ST3GAL4: variants seen among roughly 807,000 people sequenced by gnomAD.
The protein encoded by ST3GAL4 is CMP-N-acetylneuraminate-beta-galactosamide-alpha-2,3-sialyltransferase 4.
ST3GAL4 carries 24 observed loss-of-function variants against 42.6 expected under a neutral mutation model. The ratio of observed to expected loss-of-function variants is 0.56; its 90% CI spans 0.41 to 0.79. The LOEUF (loss-of-function observed/expected upper bound fraction) is 0.79, where lower values mean the gene tolerates loss of function less well. Ranked by LOEUF, ST3GAL4 falls within the 30% of genes least tolerant of loss-of-function variation. ST3GAL4 has a pLI of 0.00. For missense variants in ST3GAL4, 311 were observed against 430.8 expected, an observed-to-expected ratio of 0.72 and a Z score of 2.46; for synonymous variants, 135 against 163.2, an observed-to-expected ratio of 0.83 and a Z score of 1.32.
At chr11:126,356,461 C>T (rs915058241) in intron 1 of ST3GAL4, among the ~76,000 whole-genome samples, 4 of 152,168 alleles carry the variant, frequency 2.6e-5, no homozygotes, top group Admixed American at 6.5e-5. Context: ...GTGGGTGTTT[C>T]CTCGGGGACC....
Position 126,383,681 on chromosome 11 carries a change from C to A in ST3GAL4, c.-60-22415C>A, listed in dbSNP as rs1306532381. Among the ~76,000 whole-genome samples the A allele has an allele frequency of 6.6e-6, 1 of 152,050 alleles. No homozygotes were observed. The highest frequency in any genetic ancestry group is 1.5e-5 in the Non-Finnish European group (1 of 68,008). On this transcript the variant is annotated intron_variant, in intron 1 of 10. Coordinates refer to ENST00000444328, the MANE Select transcript of ST3GAL4 (RefSeq NM_001254757.2). This position sits in a 1 kb window ranked among gnomAD's most constrained non-coding sequence, Gnocchi z 4.5. ...GTGTAGGTTACTGACATGGGAGGGC[C>A]GGTGTGAGCTGCAGGGACCGGAGAG...
chr11:126,396,443 G>A lies in ST3GAL4; in HGVS notation c.-60-9653G>A, dbSNP rs1276573492. On this transcript the variant is annotated intron_variant, in intron 1 of 10. Coordinates refer to ENST00000444328, the MANE Select transcript of ST3GAL4 (RefSeq NM_001254757.2). The surrounding 1 kb of genome is among the most constrained non-coding windows in gnomAD (Gnocchi z 5.8). ...ATTCATGGAAGTCTGGTGTCCAGCT[G>A]GCAGGCATTAGTGGTCCCATGAATA... Among the ~76,000 whole-genome samples the A allele has an allele frequency of 6.6e-6, 1 of 152,032 alleles. No homozygotes were observed.
At chr11:126,413,335 C>G (rs1954610923) in intron 9 of ST3GAL4, 170 bp from the exon 10 acceptor site, 2 of 620,524 alleles carry the variant, frequency 3.2e-6, no homozygotes, top group African/African-American at 3.7e-5. Context: ...TTCAGTTCCT[C>G]AGCTGCACTG....
chr11:126,385,068 G>A (rs1953172368), intron 1 of ST3GAL4, among the ~76,000 whole-genome samples: 1 of 152,142 alleles, frequency 6.6e-6, no homozygotes, highest in Non-Finnish European at 1.5e-5. Context: ...GGACACCTCT[G>A]AGGACTTGCT....
rs1201561058 is a variant in ST3GAL4, at chr11:126,410,017, C to T, written c.771+606C>T. 6.6e-6 allele frequency among the ~76,000 whole-genome samples: 1 copy of T among 152,146 alleles called. No individual in the cohort carries two copies. Among genetic ancestry groups the T allele is most frequent in the East Asian group, 1.9e-4 (1 of 5,186 alleles). ...TTCCAGGCTCAGGTGATCCTTCTGC[C>T]TCAGCCTCCTGAGTAGCTGTGAGAC... On this transcript the variant is annotated intron_variant, in intron 9 of 10. Transcript: ENST00000444328. The surrounding 1 kb of genome is among the most constrained non-coding windows in gnomAD (Gnocchi z 5.3).
chr11:126,366,934 A>G lies in ST3GAL4; in HGVS notation c.-61+11092A>G, dbSNP rs755679116. ...GAATTTGTGGCACCTGCAGGGCTGA[A>G]CGTTGCCTTTGCTGTCCCTGCTTGG... On this transcript the variant is annotated intron_variant, in intron 1 of 10. Coordinates refer to ENST00000444328, the MANE Select transcript of ST3GAL4 (RefSeq NM_001254757.2). The surrounding 1 kb of genome is among the most constrained non-coding windows in gnomAD (Gnocchi z 4.2). Among the ~76,000 whole-genome samples the G allele has an allele frequency of 1.6e-4, 24 of 152,244 alleles. No homozygotes were observed. Among genetic ancestry groups the G allele is most frequent in the Middle Eastern group, 3.4e-3 (1 of 294 alleles).
chr11:126,407,180 TG>T, intron 4 of ST3GAL4, 71 bp from the exon 5 acceptor site: 1 of 1,555,000 alleles, frequency 6.4e-7, no homozygotes, highest in Non-Finnish European at 8.9e-7. Flanking sequence ...ATATTAGTCA[TG>T]GGCCTAACCC....
intron 1 of ST3GAL4, among the ~76,000 whole-genome samples, chr11:126,387,865 A>G (rs1303968326): frequency 3.9e-5 from 6 of 152,118 alleles, no homozygotes; most frequent in African/African-American, 7.2e-5. Flanking sequence ...GTGAAAGTGC[A>G]TTTGGAGATA....
chr11:126,392,323 A>G lies in ST3GAL4; in HGVS notation c.-60-13773A>G. 1 of 985,908 alleles carries G rather than the reference A, an allele frequency of 1.0e-6. No homozygotes were observed. The allele number at this position is 985,908 out of a possible 1,614,324, so 61.1% of individuals were successfully genotyped here. A position where few individuals can be genotyped will look rare whatever the true frequency, so the allele number is the denominator to read the frequency against. ...TGCACAGAGTTTACTGTCGGACATCAGTTCTGATATGGTGCAGCAGACATG... is the reference window on the plus strand; with the variant it reads ...TGCACAGAGTTTACTGTCGGACATCGGTTCTGATATGGTGCAGCAGACATG... On this transcript the variant is annotated intron_variant, in intron 1 of 10. Transcript: ENST00000444328. The surrounding 1 kb of genome is among the most constrained non-coding windows in gnomAD (Gnocchi z 5.8).
Position 126,409,469 on chromosome 11 carries a change from G to A in ST3GAL4, c.771+58G>A, listed in dbSNP as rs1954421754. 1 of 1,610,000 alleles carries A rather than the reference G, an allele frequency of 6.2e-7. No individual in the cohort carries two copies. Among genetic ancestry groups the A allele is most frequent in the Admixed American group, 1.7e-5 (1 of 59,912 alleles). ...ATCCTGGGCGGGAAGTAGGAGGGATGATCCTATGGGCTTAGGAAGCCCTGG... is the reference window on the plus strand; with the variant it reads ...ATCCTGGGCGGGAAGTAGGAGGGATAATCCTATGGGCTTAGGAAGCCCTGG... On this transcript the variant is annotated intron_variant, in intron 9 of 10. Transcript: ENST00000444328. This position sits in a 1 kb window ranked among gnomAD's most constrained non-coding sequence, Gnocchi z 4.9.
rs549058422 is a variant in ST3GAL4 at position 126,359,678 on chromosome 11, C to T, written c.-61+3836C>T. 6.6e-6 allele frequency among the ~76,000 whole-genome samples: 1 copy of T among 152,358 alleles called. No homozygotes were observed. The highest frequency in any genetic ancestry group is 2.1e-4 in the South Asian group (1 of 4,832). ...GGCCGGGCCGTACCCTGAGCACACGCTTGTCCGCTTTCTCAGCTGGGCGGG... is the reference window on the plus strand; with the variant it reads ...GGCCGGGCCGTACCCTGAGCACACGTTTGTCCGCTTTCTCAGCTGGGCGGG... On this transcript the variant is annotated intron_variant, in intron 1 of 10. Transcript: ENST00000444328. This position sits in a 1 kb window ranked among gnomAD's most constrained non-coding sequence, Gnocchi z 4.8.
In ST3GAL4 at chr11:126,365,857, C is replaced by T. The variant is rs1374007932; in HGVS notation, c.-61+10015C>T. On this transcript the variant is annotated intron_variant, in intron 1 of 10. Coordinates refer to ENST00000444328, the MANE Select transcript of ST3GAL4 (RefSeq NM_001254757.2). ...GGACAGTGAGTGTGTGTTGTGTGGG[C>T]GCCGGGCCAGGAAGTGCCCTCCATG... Among the ~76,000 whole-genome samples the T allele has an allele frequency of 2.6e-5, 4 of 152,232 alleles. No homozygotes were observed. In the East Asian group the frequency reaches 5.8e-4, roughly 22 times the overall value.
chr11:126,400,395 T>C lies in ST3GAL4; in HGVS notation c.-60-5701T>C, dbSNP rs371351714. ...ACCTTTTATTAGGCCCTGCTTATACTGTTGCACTGGGGATCAAGTTGCAGC... is the reference window on the plus strand; with the variant it reads ...ACCTTTTATTAGGCCCTGCTTATACCGTTGCACTGGGGATCAAGTTGCAGC... On this transcript the variant is annotated intron_variant, in intron 1 of 10. Transcript: ENST00000444328. The surrounding 1 kb of genome is among the most constrained non-coding windows in gnomAD (Gnocchi z 4.6). Among the ~76,000 whole-genome samples the C allele has an allele frequency of 1.3e-5, 2 of 152,232 alleles. No homozygotes were observed. Among genetic ancestry groups the C allele is most frequent in the African/African-American group, 4.8e-5 (2 of 41,460 alleles).
In ST3GAL4 at chr11:126,363,923, G is replaced by T. The variant is rs1233463113; in HGVS notation, c.-61+8081G>T. Among the ~76,000 whole-genome samples, 1 of 152,246 alleles carries T rather than the reference G, an allele frequency of 6.6e-6. No individual in the cohort carries two copies. The highest frequency in any genetic ancestry group is 1.5e-5 in the Non-Finnish European group (1 of 68,048). ...CTGCCCCAGCCCAGAGCTTGCCTCT[G>T]TTGGCTTTGTGACCCTCGCTTTGTA... On this transcript the variant is annotated intron_variant, in intron 1 of 10. Coordinates refer to ENST00000444328, the MANE Select transcript of ST3GAL4 (RefSeq NM_001254757.2). This position sits in a 1 kb window ranked among gnomAD's most constrained non-coding sequence, Gnocchi z 4.6.
chr11:126,359,461 C>T lies in ST3GAL4; in HGVS notation c.-61+3619C>T, dbSNP rs1952174097. ...AAGCAGCTGAGCTAGGACTCAAATC[C>T]AGGCTTGCTTCCAAAACCTTCACTT... On this transcript the variant is annotated intron_variant, in intron 1 of 10. Coordinates refer to ENST00000444328, the MANE Select transcript of ST3GAL4 (RefSeq NM_001254757.2). This position sits in a 1 kb window ranked among gnomAD's most constrained non-coding sequence, Gnocchi z 4.8. 6.6e-6 allele frequency among the ~76,000 whole-genome samples: 1 copy of T among 152,194 alleles called. No homozygotes were observed. Among genetic ancestry groups the T allele is most frequent in the African/African-American group, 2.4e-5 (1 of 41,444 alleles).
rs547729754 is a variant in ST3GAL4 at position 126,383,869 on chromosome 11, C to T, written c.-60-22227C>T. On this transcript the variant is annotated intron_variant, in intron 1 of 10. Transcript: ENST00000444328. This position sits in a 1 kb window ranked among gnomAD's most constrained non-coding sequence, Gnocchi z 4.5. The stretch of plus-strand genomic sequence containing the variant: ...CCCTCCCTCATGGCCCACCTTTACT[C>T]TGAGGGGGTGGGCTTCCTGCGGGGG... Among the ~76,000 whole-genome samples, 56 of 152,162 alleles carry T rather than the reference C, an allele frequency of 3.7e-4. No homozygotes were observed. Among genetic ancestry groups the T allele is most frequent in the Admixed American group, 1.2e-3 (19 of 15,280 alleles).
At position 126,373,397 on chromosome 11, in the gene ST3GAL4, C is replaced by G. The variant is rs1351655521; in HGVS notation, c.-61+17555C>G. On this transcript the variant is annotated intron_variant, in intron 1 of 10. Transcript: ENST00000444328. The surrounding 1 kb of genome is among the most constrained non-coding windows in gnomAD (Gnocchi z 5.5). ...GGTCCACACAGGCACTGGATTTGTC[C>G]TTTACTTTGGGCCCAGGCTGCACTC... 2.6e-5 allele frequency among the ~76,000 whole-genome samples: 4 copies of G among 152,150 alleles called. No homozygotes were observed. Among genetic ancestry groups the G allele is most frequent in the Non-Finnish European group, 5.9e-5 (4 of 68,030 alleles).
At chr11:126,357,803 G>A (rs79937522) in intron 1 of ST3GAL4, among the ~76,000 whole-genome samples, 2,660 of 152,346 alleles carry the variant, frequency 0.017, 83 homozygotes, top group African/African-American at 0.059. Flanking sequence ...ACTTGGGCAC[G>A]TTCTCTGGGT....
chr11:126,374,454 CAAAAA>C (rs869295718), intron 1 of ST3GAL4, among the ~76,000 whole-genome samples: 4 of 63,206 alleles, frequency 6.3e-5, no homozygotes, highest in South Asian at 6.8e-4. Context: ...ACTTTGTCTC[CAAAAA>C]AAAAAAAAAA....
Sources: allele counts gnomAD v4.1 joint callset (sites outside exome capture counted in the v4.1 genomes callset), GRCh38; gene constraint gnomAD v4.1.1; non-coding constraint Gnocchi (gnomAD v3.1); transcripts MANE v1.5; gene names NCBI Gene and HGNC (gene_info 2026-07-23, HGNC 2026-07-21).